The following RBMS3 variants were observed in gnomAD, a reference collection of about 807,000 sequenced individuals.
RBMS3 encodes RNA-binding motif, single-stranded-interacting protein 3.
RBMS3 carries 27 observed loss-of-function variants against 66.8 expected under a neutral mutation model. That is an observed-to-expected ratio of 0.40 (90% CI 0.30 to 0.56). The LOEUF is 0.56. Ranked by LOEUF, RBMS3 falls within the 20% of genes least tolerant of loss-of-function variation. RBMS3 has a pLI of 0.40. For synonymous variants in RBMS3, 188 were observed against 183.0 expected (o/e 1.03, Z -0.22); for missense variants, 513 against 549.5 (o/e 0.93, Z 0.66).
At chr3:29,331,695 C>T (rs2035665972) in intron 1 of RBMS3, among the ~76,000 whole-genome samples, 1 of 151,832 alleles carries the variant, frequency 6.6e-6, no homozygotes, top group Non-Finnish European at 1.5e-5. Context: ...TCTCATGGTA[C>T]ACACATTTGA....
At chr3:29,463,946 A>G (rs539818138) in intron 2 of RBMS3, among the ~76,000 whole-genome samples, 1 of 152,298 alleles carries the variant, frequency 6.6e-6, no homozygotes, top group African/African-American at 2.4e-5. Context: ...ATATGAAGAT[A>G]CAATTCAGAA....
intron 4 of RBMS3, among the ~76,000 whole-genome samples, chr3:29,721,192 T>C (rs1011057809): frequency 6.6e-6 from 1 of 152,148 alleles, no homozygotes; most frequent in Non-Finnish European, 1.5e-5. Flanking sequence ...TTAAAATGTA[T>C]TTGGCTTAAC....
chr3:29,477,457 A>T (rs1282697994), intron 2 of RBMS3, among the ~76,000 whole-genome samples: 1 of 106,910 alleles, frequency 9.4e-6, no homozygotes, highest in Non-Finnish European at 2.1e-5. Context: ...GGGATATAAC[A>T]AACAAACAAA....
At chr3:29,848,806 GT>G (rs972027430) in intron 6 of RBMS3, among the ~76,000 whole-genome samples, 29 of 151,890 alleles carry the variant, frequency 1.9e-4, no homozygotes, top group Non-Finnish European at 3.5e-4. Context: ...CTTGTAAGAG[GT>G]TTTTTTTGTT....
rs575143962 is a variant in RBMS3, at chr3:29,698,587, T to C, written c.400-41133T>C. The C allele has an allele frequency of 2.1e-5, 21 of 985,390 alleles. No homozygotes were observed. In the African/African-American group the frequency reaches 3.3e-4, roughly 16 times the overall value. 61.0% of individuals were successfully genotyped at this position (985,390 alleles called of 1,614,324 possible). A position where few individuals can be genotyped will look rare whatever the true frequency, so the allele number is the denominator to read the frequency against. On this transcript the variant is annotated intron_variant, in intron 4 of 14. Coordinates refer to ENST00000383767, the MANE Select transcript of RBMS3 (RefSeq NM_001003793.3). ...CATAACAAAATGAGCATGAAGAGAA[T>C]TTGGGCATGTCTACCAAAACACGAA...
At chr3:29,902,445 A>G (rs2060278029) in intron 10 of RBMS3, among the ~76,000 whole-genome samples, 1 of 151,824 alleles carries the variant, frequency 6.6e-6, no homozygotes, top group South Asian at 2.1e-4. Flanking sequence ...TAATTACCTT[A>G]CTTTGCTAAT....
chr3:29,941,413 GA>G (rs1263858503), intron 11 of RBMS3, among the ~76,000 whole-genome samples: 1 of 151,774 alleles, frequency 6.6e-6, no homozygotes, highest in African/African-American at 2.4e-5. Context: ...TCTGATTCAG[GA>G]AGCAGTATCA....
intron 4 of RBMS3, chr3:29,698,609 CGAA>C (rs2052385775): frequency 2.0e-5 from 20 of 984,958 alleles, no homozygotes; most frequent in Non-Finnish European, 2.4e-5. Context: ...TACCAAAACA[CGAA>C]GGACAAGTGA....
Position 30,005,149 on chromosome 3 carries a change from T to A in RBMS3, c.*1287T>A, listed in dbSNP as rs6549966. ...GACCGACATGGCCGGACCAGTTCTT[T>A]CTTTGTTGTTTGTTTAAACTACCTT... is the stretch of plus-strand genomic sequence containing the variant. On this transcript the variant is annotated 3_prime_UTR_variant, in exon 15 of 15. Transcript: ENST00000383767. The A allele has an allele frequency of 0.21, 31,262 of 151,002 alleles. 3,370 individuals are homozygous for A. Among genetic ancestry groups the A allele is most frequent in the East Asian group, 0.36 (1,853 of 5,120 alleles). The allele number at this position is 151,002 out of a possible 1,614,324, so 9.4% of individuals were successfully genotyped here.
intron 1 of RBMS3, among the ~76,000 whole-genome samples, chr3:29,316,115 G>A (rs925138701): frequency 3.3e-5 from 5 of 151,602 alleles, no homozygotes; most frequent in Non-Finnish European, 5.9e-5. Flanking sequence ...CAGGAAAGAG[G>A]CCATCACTGC....
chr3:29,295,668 CT>C (rs1428037706), intron 1 of RBMS3, among the ~76,000 whole-genome samples: 1 of 151,480 alleles, frequency 6.6e-6, no homozygotes, highest in African/African-American at 2.4e-5. Flanking sequence ...TTTAGATATT[CT>C]TACCAAGTTT....
chr3:29,576,622 G>GGATT (rs2047130550), intron 3 of RBMS3, among the ~76,000 whole-genome samples: 1 of 152,122 alleles, frequency 6.6e-6, no homozygotes, highest in Non-Finnish European at 1.5e-5. Context: ...TGGGAGCCAG[G>GGATT]GATTGTAGTC....
chr3:29,486,386 A>G (rs983178888), intron 2 of RBMS3, among the ~76,000 whole-genome samples: 1 of 152,046 alleles, frequency 6.6e-6, no homozygotes, highest in Admixed American at 6.5e-5. Flanking sequence ...TGCGTCAAGT[A>G]CTCTGAGTTG....
rs1415494366 is a variant in RBMS3, at chr3:29,717,690, CT to C, written c.400-22028del. Among the ~76,000 whole-genome samples the C allele has an allele frequency of 2.0e-5, 3 of 152,054 alleles. No homozygotes were observed. The South Asian group carries it at 6.2e-4, about 32-fold the overall frequency. On this transcript the variant is annotated intron_variant, in intron 4 of 14. Transcript: ENST00000383767. ...ATTAGAATTGTGCAGAAATATAGGGCTTGAACTCTTAAAATTCTCTTACTTA... is the reference window on the plus strand; with the variant it reads ...ATTAGAATTGTGCAGAAATATAGGGCTGAACTCTTAAAATTCTCTTACTTA...
intron 6 of RBMS3, among the ~76,000 whole-genome samples, chr3:29,800,167 C>G (rs979796156): frequency 6.6e-6 from 1 of 152,100 alleles, no homozygotes; most frequent in Non-Finnish European, 1.5e-5. Context: ...TATTCACTCC[C>G]TGCCCTTTTG....
intron 1 of RBMS3, among the ~76,000 whole-genome samples, chr3:29,326,791 C>T (rs11918728): frequency 0.014 from 2,019 of 149,444 alleles, 39 homozygotes; most frequent in African/African-American, 0.045. Flanking sequence ...AGTGCAGTGG[C>T]GCAATCTCAC....
At chr3:29,514,650 C>CATATATATATATATATATATATATATAT (rs10601940) in intron 3 of RBMS3, among the ~76,000 whole-genome samples, 30 of 103,660 alleles carry the variant, frequency 2.9e-4, no homozygotes, top group South Asian at 6.9e-4. Flanking sequence ...GTGATAGGCA[C>CATATATATATATATATATATATATATAT]ATATATATAT....
intron 2 of RBMS3, among the ~76,000 whole-genome samples, chr3:29,444,822 A>AT (rs2041765950): frequency 1.8e-5 from 1 of 56,922 alleles, no homozygotes; most frequent in Non-Finnish European, 3.5e-5. Flanking sequence ...TGCTCCATCT[A>AT]TACCAAAATA....
chr3:29,527,506 A>T (rs1362309230), intron 3 of RBMS3, among the ~76,000 whole-genome samples: 1 of 152,164 alleles, frequency 6.6e-6, no homozygotes, highest in Non-Finnish European at 1.5e-5. Flanking sequence ...AGTATGTATG[A>T]GGCATATCTT....
Sources: gnomAD v4.1 joint callset for allele counts (sites outside exome capture counted in the v4.1 genomes callset) on GRCh38, gnomAD v4.1.1 for gene constraint, MANE v1.5 for transcripts, NCBI Gene and HGNC (gene_info 2026-07-23, HGNC 2026-07-21) for gene names.